The following GRM3 variants were observed in gnomAD, a reference collection of about 807,000 sequenced individuals.
The protein encoded by GRM3 is glutamate metabotropic receptor 3, also known as metabotropic glutamate receptor 3.
GRM3 carries 26 observed loss-of-function variants against 70.5 expected under a neutral mutation model. That is an observed-to-expected ratio of 0.37 (90% CI 0.27 to 0.51). The LOEUF (loss-of-function observed/expected upper bound fraction) is 0.51, where lower values mean the gene tolerates loss of function less well. Among genes scored for constraint, GRM3 ranks in the 20% least tolerant of loss-of-function variants. GRM3 has a pLI of 0.93. For missense variants in GRM3, 859 were observed against 1,123.8 expected, an observed-to-expected ratio of 0.76 and a Z score of 3.37; for synonymous variants, 443 against 434.9, an observed-to-expected ratio of 1.02 and a Z score of -0.23.
At chr7:86,671,478 C>T (rs1420427383) in intron 1 of GRM3, among the ~76,000 whole-genome samples, 1 of 152,112 alleles carries the variant, frequency 6.6e-6, no homozygotes, top group African/African-American at 2.4e-5. Context: ...AAATTCTGTG[C>T]CCATATTTTG....
chr7:86,710,711 TCTAGTA>T (rs1413620310), intron 1 of GRM3, among the ~76,000 whole-genome samples: 1 of 152,004 alleles, frequency 6.6e-6, no homozygotes, highest in African/African-American at 2.4e-5. Flanking sequence ...AATTCCCAAC[TCTAGTA>T]AACAGTGTAT....
At chr7:86,787,154 A>G (rs747033009) in intron 3 of GRM3, 38 bp downstream of exon 3, 7 of 1,523,878 alleles carry the variant, frequency 4.6e-6, no homozygotes, top group African/African-American at 1.4e-5. Context: ...TCAGATGCAA[A>G]CAAGTGAAAT....
intron 3 of GRM3, among the ~76,000 whole-genome samples, chr7:86,800,900 C>CAAA (rs2116618044): frequency 6.6e-6 from 1 of 152,156 alleles, no homozygotes; most frequent in African/African-American, 2.4e-5. Flanking sequence ...TAAAATATGG[C>CAAA]AAACCGAATC....
chr7:86,671,657 C>A (rs979250126), intron 1 of GRM3, among the ~76,000 whole-genome samples: 2 of 152,170 alleles, frequency 1.3e-5, no homozygotes, highest in East Asian at 1.9e-4. Context: ...CTGACCACAA[C>A]CTCCAGTGCT....
chr7:86,652,275 GAT>G (rs1793625238), intron 1 of GRM3, among the ~76,000 whole-genome samples: 1 of 151,644 alleles, frequency 6.6e-6, no homozygotes, highest in African/African-American at 2.4e-5. Flanking sequence ...GTTGCTATGT[GAT>G]ATAACAAGAC....
chr7:86,779,840 A>C (rs545336427), intron 2 of GRM3, among the ~76,000 whole-genome samples: 2 of 152,358 alleles, frequency 1.3e-5, no homozygotes, highest in Admixed American at 1.3e-4. Flanking sequence ...TTTGGAAGAA[A>C]AAAATATATT....
intron 3 of GRM3, among the ~76,000 whole-genome samples, chr7:86,807,651 A>G (rs1382221176): frequency 2.6e-5 from 4 of 152,066 alleles, no homozygotes; most frequent in Admixed American, 2.6e-4. Context: ...TTGGGCTGAG[A>G]TGATGGGGTT....
intron 1 of GRM3, among the ~76,000 whole-genome samples, chr7:86,730,110 G>T (rs1411154009): frequency 2.0e-5 from 3 of 148,984 alleles, no homozygotes; most frequent in Non-Finnish European, 4.4e-5. Context: ...GCAAAACTCT[G>T]CCTCAAAAAA....
intron 1 of GRM3, among the ~76,000 whole-genome samples, chr7:86,717,068 A>G (rs1411759934): frequency 1.3e-5 from 2 of 151,936 alleles, no homozygotes; most frequent in Non-Finnish European, 2.9e-5. Context: ...GGAGATAATA[A>G]TGAAGATTGA....
chr7:86,772,218 A>G (rs533263242), intron 2 of GRM3, among the ~76,000 whole-genome samples: 2 of 152,204 alleles, frequency 1.3e-5, no homozygotes, highest in East Asian at 3.9e-4. Flanking sequence ...AGAATTGATT[A>G]CCTATGTACA....
chr7:86,655,837 TGTGTGTGTGTGTGTGG>T (rs1336156149), intron 1 of GRM3, among the ~76,000 whole-genome samples: 3 of 133,938 alleles, frequency 2.2e-5, no homozygotes, highest in Admixed American at 7.2e-5. Context: ...TGTGTGTGTG[TGTGTGTGTGTGTGTGG>T]GTGGGTGGGT....
chr7:86,857,977 G>A (rs923804319), intron 5 of GRM3, among the ~76,000 whole-genome samples: 2 of 138,260 alleles, frequency 1.4e-5, no homozygotes, highest in African/African-American at 5.4e-5. Flanking sequence ...TATTTTTTGA[G>A]ACGGAGTCTC....
chr7:86,644,971 G>A (rs1793420831), intron 1 of GRM3, 99 bp downstream of exon 1: 6 of 541,012 alleles, frequency 1.1e-5, no homozygotes, highest in South Asian at 1.0e-4. Context: ...GGAAAGTTGA[G>A]GTAGAGCATG....
At chr7:86,842,912 G>A (rs17161034) in intron 4 of GRM3, among the ~76,000 whole-genome samples, 3,884 of 152,172 alleles carry the variant, frequency 0.026, 188 homozygotes, top group African/African-American at 0.089. Flanking sequence ...TTTTTACCCC[G>A]TAACCTTGGC....
intron 1 of GRM3, among the ~76,000 whole-genome samples, chr7:86,705,127 C>G (rs1795028857): frequency 6.6e-6 from 1 of 151,904 alleles, no homozygotes; most frequent in South Asian, 2.1e-4. Context: ...AAAATAAAAT[C>G]TGGTAGGTAA....
intron 1 of GRM3, among the ~76,000 whole-genome samples, chr7:86,688,057 C>T (rs1029484907): frequency 6.6e-6 from 1 of 151,426 alleles, no homozygotes; most frequent in African/African-American, 2.4e-5. Flanking sequence ...ATGGAGTCAA[C>T]TCTCAAAATA....
chr7:86,767,551 AT>A (rs1401267180), intron 2 of GRM3, among the ~76,000 whole-genome samples: 3 of 132,240 alleles, frequency 2.3e-5, no homozygotes, highest in East Asian at 2.2e-4. Context: ...ATATATATAT[AT>A]ATATATAAAT....
chr7:86,827,090 A>G (rs1798249792), intron 3 of GRM3, among the ~76,000 whole-genome samples: 1 of 152,202 alleles, frequency 6.6e-6, no homozygotes, highest in Non-Finnish European at 1.5e-5. Context: ...ATGGGCACAC[A>G]CTGAATATTT....
intron 1 of GRM3, among the ~76,000 whole-genome samples, chr7:86,749,023 A>C (rs530270018): frequency 6.6e-6 from 1 of 152,222 alleles, no homozygotes; most frequent in Non-Finnish European, 1.5e-5. Flanking sequence ...TATTTTATGC[A>C]AAGTTGAGGC....
Sources: gnomAD v4.1 joint callset for allele counts (sites outside exome capture counted in the v4.1 genomes callset) on GRCh38, gnomAD v4.1.1 for gene constraint, MANE v1.5 for transcripts, NCBI Gene and HGNC (gene_info 2026-07-23, HGNC 2026-07-21) for gene names.